The following ZMYM2 variants were observed in gnomAD, a reference collection of about 807,000 sequenced individuals.
The protein encoded by ZMYM2 is zinc finger MYM-type containing 2.
Under a neutral mutation model 162.8 loss-of-function variants are expected in ZMYM2, and 56 were observed. The observed-to-expected ratio is 0.34, with a 90% CI of 0.28 to 0.43. The LOEUF (loss-of-function observed/expected upper bound fraction) is 0.43. Ranked by LOEUF, ZMYM2 falls within the 20% of genes least tolerant of loss-of-function variation. The pLI is 1.00. For missense variants in ZMYM2, 1,275 were observed against 1,621.8 expected (o/e 0.79, Z 3.67); for synonymous variants, 510 against 541.6 (o/e 0.94, Z 0.81).
intron 2 of ZMYM2, chr13:19,969,947 A>AT: frequency 1.4e-6 from 1 of 713,332 alleles, no homozygotes; most frequent in Non-Finnish European, 1.7e-6. Context: ...AGAGAAATAG[A>AT]TTCTTAGTAC....
intron 2 of ZMYM2, among the ~76,000 whole-genome samples, chr13:19,967,836 A>G (rs1004187230): frequency 6.6e-6 from 1 of 152,190 alleles, no homozygotes; most frequent in Admixed American, 6.5e-5. Context: ...GTTTATATGG[A>G]CCAAACATAA....
the ZMYM2 span, among the ~76,000 whole-genome samples, chr13:19,895,463 G>A: frequency 2.0e-5 from 3 of 151,996 alleles, no homozygotes; most frequent in South Asian, 6.2e-4. Flanking sequence ...GGTAGAGGTA[G>A]GGGCATCTCA....
chr13:19,901,042 A>G, the ZMYM2 span, among the ~76,000 whole-genome samples: 5 of 152,244 alleles, frequency 3.3e-5, no homozygotes, highest in African/African-American at 9.6e-5. Context: ...GTCTTCATGT[A>G]GCCTTTCCTT....
At chr13:19,999,371 G>T (rs1342796238) in intron 3 of ZMYM2, among the ~76,000 whole-genome samples, 1 of 152,038 alleles carries the variant, frequency 6.6e-6, no homozygotes, top group Admixed American at 6.6e-5. Flanking sequence ...CAATATTTCA[G>T]GCCTTTTCAT....
At chr13:19,871,236 CAG>C in the ZMYM2 span, among the ~76,000 whole-genome samples, 2 of 151,742 alleles carry the variant, frequency 1.3e-5, no homozygotes, top group South Asian at 2.1e-4. Flanking sequence ...TATAATAACA[CAG>C]AAAGTAAAGA....
chr13:19,960,531 T>C (rs1024654890), intron 2 of ZMYM2, among the ~76,000 whole-genome samples: 4 of 152,186 alleles, frequency 2.6e-5, no homozygotes, highest in Non-Finnish European at 4.4e-5. Context: ...CTAGATCTTT[T>C]TCATGTATTT....
At chr13:20,056,314 C>CT (rs1955790509) in intron 14 of ZMYM2, among the ~76,000 whole-genome samples, 2 of 152,186 alleles carry the variant, frequency 1.3e-5, no homozygotes, top group Admixed American at 6.5e-5. Flanking sequence ...AAGTTGAACA[C>CT]TATCTTCAGG....
rs1414493215 is a variant in ZMYM2, at chr13:20,088,683, A to C, written c.*2669A>C. Reference sequence around the variant, plus strand: ...AGTAACTCATGGTTTTCTTTTATTAAATGGGGTTGTTGTCAGTATGTTAAA... The same window carrying C: ...AGTAACTCATGGTTTTCTTTTATTACATGGGGTTGTTGTCAGTATGTTAAA... On this transcript the variant is annotated 3_prime_UTR_variant, in exon 25 of 25. Transcript: ENST00000610343. 5.1e-6 allele frequency: 1 copy of C among 195,304 alleles called. No homozygotes were observed. The highest frequency in any genetic ancestry group is 2.3e-5 in the African/African-American group (1 of 43,230). 12.1% of individuals were successfully genotyped at this position (195,304 alleles called of 1,614,324 possible).
the ZMYM2 span, among the ~76,000 whole-genome samples, chr13:19,877,881 T>G: frequency 6.6e-6 from 1 of 152,144 alleles, no homozygotes; most frequent in Non-Finnish European, 1.5e-5. Context: ...TTGAAGACCC[T>G]GTTTTCATTT....
chr13:19,888,868 G>C, the ZMYM2 span, among the ~76,000 whole-genome samples: 1 of 152,004 alleles, frequency 6.6e-6, no homozygotes, highest in Non-Finnish European at 1.5e-5. Flanking sequence ...CAAAGGCTGG[G>C]ATTACAGGCG....
the ZMYM2 span, among the ~76,000 whole-genome samples, chr13:19,873,583 A>G: frequency 6.6e-6 from 1 of 151,676 alleles, no homozygotes; most frequent in Non-Finnish European, 1.5e-5. Flanking sequence ...TAATTTTTGT[A>G]TTTTTAGTAG....
chr13:19,891,484 A>G, the ZMYM2 span, among the ~76,000 whole-genome samples: 2 of 151,484 alleles, frequency 1.3e-5, no homozygotes, highest in Non-Finnish European at 2.9e-5. Context: ...TTAGAAAAGG[A>G]TATAACCCTA....
intron 2 of ZMYM2, chr13:19,965,190 A>G (rs1239469605): frequency 8.1e-7 from 1 of 1,230,062 alleles, no homozygotes; most frequent in East Asian, 5.4e-5. Context: ...TGACTATAAT[A>G]CAGTGAGACA....
At chr13:19,982,507 C>A (rs879739986) in intron 2 of ZMYM2, among the ~76,000 whole-genome samples, 2 of 151,822 alleles carry the variant, frequency 1.3e-5, no homozygotes, top group Non-Finnish European at 2.9e-5. Flanking sequence ...AGGCTGGTCT[C>A]GAACTCCTGA....
At chr13:19,973,628 G>A (rs1414907424) in intron 2 of ZMYM2, among the ~76,000 whole-genome samples, 4 of 141,910 alleles carry the variant, frequency 2.8e-5, no homozygotes, top group East Asian at 2.1e-4. Flanking sequence ...CCAAGATCAT[G>A]CCACTGCACT....
the ZMYM2 span, among the ~76,000 whole-genome samples, chr13:19,927,513 G>T: frequency 6.6e-6 from 1 of 152,174 alleles, no homozygotes; most frequent in Non-Finnish European, 1.5e-5. Context: ...CCAGTCTGTT[G>T]TGTGAATATA....
the ZMYM2 span, among the ~76,000 whole-genome samples, chr13:19,928,305 C>G: frequency 6.6e-6 from 1 of 152,064 alleles, no homozygotes; most frequent in South Asian, 2.1e-4. Context: ...ACCTGACCTG[C>G]CTTTTTTTTA....
chr13:19,995,286 A>G (rs1241664129), intron 3 of ZMYM2, among the ~76,000 whole-genome samples: 4 of 152,242 alleles, frequency 2.6e-5, no homozygotes, highest in South Asian at 4.1e-4. Flanking sequence ...TTTAATGTCT[A>G]CAACTCGATA....
chr13:19,965,012 A>T (rs1327802842), intron 2 of ZMYM2, among the ~76,000 whole-genome samples: 1 of 151,910 alleles, frequency 6.6e-6, no homozygotes, highest in Non-Finnish European at 1.5e-5. Context: ...GGTGCAGCGC[A>T]CCAGCATGGC....
Sources: gnomAD v4.1 joint callset for allele counts (sites outside exome capture counted in the v4.1 genomes callset) on GRCh38, gnomAD v4.1.1 for gene constraint, MANE v1.5 for transcripts, NCBI Gene and HGNC (gene_info 2026-07-23, HGNC 2026-07-21) for gene names.